The following TAFA1 variants were observed in gnomAD, a reference collection of about 807,000 sequenced individuals.
The protein encoded by TAFA1 is TAFA chemokine like family member 1.
In TAFA1, 4 loss-of-function variants were observed where a neutral mutation model predicts 18.5. That is an observed-to-expected ratio of 0.22 (90% CI 0.11 to 0.49). TAFA1 has a LOEUF of 0.49. Ranked by LOEUF, TAFA1 falls within the 20% of genes least tolerant of loss-of-function variation. The probability of loss-of-function intolerance (pLI) is 0.98; values close to 1 mark genes in which losing one functional copy is unlikely to be tolerated. For missense variants in TAFA1, 147 were observed against 169.0 expected (o/e 0.87, Z 0.72); for synonymous variants, 56 against 55.2 (o/e 1.01, Z -0.06).
chr3:68,068,907 A>ATAT (rs2064717367), intron 2 of TAFA1, among the ~76,000 whole-genome samples: 1 of 152,176 alleles, frequency 6.6e-6, no homozygotes, highest in Non-Finnish European at 1.5e-5. Context: ...TTTAATCCCC[A>ATAT]TATTATTGTA....
chr3:68,262,350 T>C (rs2067450234), intron 2 of TAFA1, among the ~76,000 whole-genome samples: 2 of 96,408 alleles, frequency 2.1e-5, no homozygotes, highest in South Asian at 3.4e-4. Flanking sequence ...TATATATATA[T>C]ATATATATTT....
chr3:68,151,675 C>A (rs1234383225), intron 2 of TAFA1, among the ~76,000 whole-genome samples: 1 of 152,132 alleles, frequency 6.6e-6, no homozygotes, highest in African/African-American at 2.4e-5. Flanking sequence ...AGATAATTAA[C>A]CCCCTTCTGT....
At chr3:68,387,857 C>T (rs1021861399) in intron 2 of TAFA1, among the ~76,000 whole-genome samples, 31 of 152,218 alleles carry the variant, frequency 2.0e-4, no homozygotes, top group African/African-American at 6.7e-4. Context: ...TTATAATATG[C>T]ATTTCATTCA....
chr3:68,197,355 T>C, intron 2 of TAFA1, among the ~76,000 whole-genome samples: 1 of 151,712 alleles, frequency 6.6e-6, no homozygotes, highest in African/African-American at 2.4e-5. Context: ...GGGTATGGTA[T>C]GGAGTATTTG....
chr3:68,204,533 T>G (rs1015102665), intron 2 of TAFA1, among the ~76,000 whole-genome samples: 1 of 151,892 alleles, frequency 6.6e-6, no homozygotes, highest in Non-Finnish European at 1.5e-5. Context: ...GGGAAGGGAT[T>G]TTTTTATAGA....
chr3:68,127,098 G>A (rs1196379815), intron 2 of TAFA1, among the ~76,000 whole-genome samples: 1 of 152,122 alleles, frequency 6.6e-6, no homozygotes, highest in African/African-American at 2.4e-5. Context: ...GTAAACTCAT[G>A]AATAATCTTA....
At chr3:68,409,643 CA>C (rs2070675263) in intron 2 of TAFA1, among the ~76,000 whole-genome samples, 1 of 152,102 alleles carries the variant, frequency 6.6e-6, no homozygotes, top group Non-Finnish European at 1.5e-5. Flanking sequence ...ATCTTTATAG[CA>C]GTGTGAAAAC....
At chr3:68,309,230 G>GAAA (rs2068474640) in intron 2 of TAFA1, among the ~76,000 whole-genome samples, 1 of 152,094 alleles carries the variant, frequency 6.6e-6, no homozygotes, top group South Asian at 2.1e-4. Flanking sequence ...CAAAGCATAC[G>GAAA]ATAGGTGTCC....
intron 2 of TAFA1, among the ~76,000 whole-genome samples, chr3:68,135,804 C>T (rs1279443331): frequency 6.6e-6 from 1 of 152,084 alleles, no homozygotes; most frequent in African/African-American, 2.4e-5. Flanking sequence ...TCAAAATTTC[C>T]CTTTTTCTTT....
intron 2 of TAFA1, among the ~76,000 whole-genome samples, chr3:68,060,218 G>T (rs981128389): frequency 6.6e-6 from 1 of 152,010 alleles, no homozygotes; most frequent in African/African-American, 2.4e-5. Context: ...GTGTGTGTGT[G>T]TGTGTCTTTC....
At chr3:68,403,671 T>C (rs765353724) in intron 2 of TAFA1, among the ~76,000 whole-genome samples, 29 of 152,218 alleles carry the variant, frequency 1.9e-4, no homozygotes, top group Non-Finnish European at 3.7e-4. Context: ...ATTTGTGATA[T>C]AACAGCGAAG....
intron 2 of TAFA1, among the ~76,000 whole-genome samples, chr3:68,208,208 T>C (rs535700355): frequency 3.9e-5 from 6 of 152,066 alleles, no homozygotes; most frequent in Non-Finnish European, 7.4e-5. Flanking sequence ...CATGCACCAG[T>C]ACAAACCTGG....
chr3:68,452,688 A>G (rs535891140), intron 3 of TAFA1, among the ~76,000 whole-genome samples: 1 of 152,032 alleles, frequency 6.6e-6, no homozygotes, highest in African/African-American at 2.4e-5. Context: ...GTCAAAGAGG[A>G]TGTCTTTGTT....
chr3:68,088,579 A>T (rs1260097291), intron 2 of TAFA1, among the ~76,000 whole-genome samples: 2 of 152,126 alleles, frequency 1.3e-5, no homozygotes, highest in Non-Finnish European at 2.9e-5. Context: ...GCAATTTTGA[A>T]CCTGTGCGTT....
At chr3:68,189,936 A>G (rs1468536054) in intron 2 of TAFA1, among the ~76,000 whole-genome samples, 2 of 151,870 alleles carry the variant, frequency 1.3e-5, no homozygotes, top group East Asian at 1.9e-4. Flanking sequence ...GTGAACTTTG[A>G]AGACCCAGTT....
intron 2 of TAFA1, among the ~76,000 whole-genome samples, chr3:68,026,153 T>C (rs1282515205): frequency 6.6e-6 from 1 of 152,068 alleles, no homozygotes; most frequent in Non-Finnish European, 1.5e-5. Flanking sequence ...AGCTCTTTGC[T>C]AAAAATGAAA....
intron 2 of TAFA1, among the ~76,000 whole-genome samples, chr3:68,024,602 G>T (rs1016617615): frequency 6.6e-6 from 1 of 152,114 alleles, no homozygotes; most frequent in Non-Finnish European, 1.5e-5. Context: ...GGCTAGCCTG[G>T]TTTACCAACA....
intron 2 of TAFA1, among the ~76,000 whole-genome samples, chr3:68,290,500 T>A (rs1339491865): frequency 2.0e-5 from 3 of 152,172 alleles, no homozygotes; most frequent in Admixed American, 6.5e-5. Context: ...TACAGAGTCA[T>A]AATGAAATTG....
intron 2 of TAFA1, among the ~76,000 whole-genome samples, chr3:68,348,527 A>G (rs1421099540): frequency 6.6e-6 from 1 of 152,048 alleles, no homozygotes; most frequent in Non-Finnish European, 1.5e-5. Context: ...CCTGAGACCT[A>G]TTTTCCTAAT....
Sources: gnomAD v4.1 joint callset for allele counts (sites outside exome capture counted in the v4.1 genomes callset) on GRCh38, gnomAD v4.1.1 for gene constraint, MANE v1.5 for transcripts, NCBI Gene and HGNC (gene_info 2026-07-23, HGNC 2026-07-21) for gene names.